ZBBX: variants seen among roughly 807,000 people sequenced by gnomAD.
The protein encoded by ZBBX is zinc finger B-box domain-containing protein 1.
ZBBX carries 101 observed loss-of-function variants against 108.5 expected under a neutral mutation model. The observed-to-expected ratio is 0.93, with a 90% CI of 0.79 to 1.10. The LOEUF is 1.10. ZBBX is among the 50% of genes least tolerant of loss of function. The pLI is 0.00. For synonymous variants in ZBBX, 356 were observed against 323.4 expected (o/e 1.10, Z -1.08); for missense variants, 1,009 against 941.4 (o/e 1.07, Z -0.94).
intron 20 of ZBBX, among the ~76,000 whole-genome samples, chr3:167,277,264 T>G (rs1727771369): frequency 6.6e-6 from 1 of 151,662 alleles, no homozygotes; most frequent in Non-Finnish European, 1.5e-5. Flanking sequence ...TAAATGTAAA[T>G]GGACTAAATG....
the ZBBX span, among the ~76,000 whole-genome samples, chr3:167,179,911 G>A: frequency 6.6e-6 from 1 of 152,212 alleles, no homozygotes; most frequent in Non-Finnish European, 1.5e-5. Flanking sequence ...GGTTTGCCAA[G>A]TAAGACTATT....
chr3:167,243,748 C>CTTTTTT (rs148483655), intron 20 of ZBBX, among the ~76,000 whole-genome samples: 10 of 70,860 alleles, frequency 1.4e-4, no homozygotes, highest in East Asian at 4.5e-4. Flanking sequence ...GTGGACTTGA[C>CTTTTTT]TTTTTTTTTT....
intron 9 of ZBBX, among the ~76,000 whole-genome samples, chr3:167,348,675 G>A (rs1178785813): frequency 2.0e-5 from 3 of 151,940 alleles, no homozygotes; most frequent in Admixed American, 6.6e-5. Context: ...TCTGTAGATT[G>A]CCATACATGT....
At chr3:167,373,096 C>T in intron 3 of ZBBX, 146 bp from the exon 4 acceptor site, 1 of 474,844 alleles carries the variant, frequency 2.1e-6, no homozygotes, top group African/African-American at 2.0e-5. Context: ...AAATTATACA[C>T]TGTTAGCCCT....
At chr3:167,359,785 G>A (rs1477125518) in intron 8 of ZBBX, 85 bp downstream of exon 8, 3 of 556,406 alleles carry the variant, frequency 5.4e-6, no homozygotes, top group South Asian at 6.7e-5. Context: ...TGGGAGAGGT[G>A]TATGAGGCCA....
intron 18 of ZBBX, among the ~76,000 whole-genome samples, chr3:167,289,923 G>A (rs1323309335): frequency 1.3e-5 from 2 of 152,088 alleles, no homozygotes; most frequent in African/African-American, 2.4e-5. Flanking sequence ...CCATTACTGA[G>A]GCTTGAGAGG....
intron 17 of ZBBX, among the ~76,000 whole-genome samples, chr3:167,303,551 T>C (rs1733085025): frequency 6.6e-6 from 1 of 152,188 alleles, no homozygotes; most frequent in Admixed American, 6.5e-5. Context: ...AAGTATATCA[T>C]TCAGATGTTC....
chr3:167,305,686 T>G lies in ZBBX; in HGVS notation c.1682A>C (p.Lys561Thr). The change falls in exon 17 of 22, where the codon AAG (lysine) becomes ACG (threonine). Residue 561 changes from lysine (K) to threonine (T), a missense_variant. Lys to Thr is a moderately conservative substitution (Grantham distance 78). Coordinates refer to ENST00000675490, the MANE Select transcript of ZBBX (RefSeq NM_001199201.2). Reference sequence around the variant, plus strand: ...TTTTGATTCTTCAAAGCTTGGCCTCTTATACAGATTGCTCAATTCCAAGGA... The same window carrying G: ...TTTTGATTCTTCAAAGCTTGGCCTCGTATACAGATTGCTCAATTCCAAGGA... ...KESLELSNLYKRPSFEESKTT... is the reference protein window; with the variant it reads ...KESLELSNLYTRPSFEESKTT... The G allele has an allele frequency of 1.2e-6, 2 of 1,606,972 alleles. No individual in the cohort carries two copies. Among genetic ancestry groups the G allele is most frequent in the African/African-American group, 1.3e-5 (1 of 74,592 alleles).
At chr3:167,310,502 AC>A (rs1389907166) in intron 16 of ZBBX, among the ~76,000 whole-genome samples, 2 of 152,166 alleles carry the variant, frequency 1.3e-5, no homozygotes, top group Non-Finnish European at 2.9e-5. Flanking sequence ...TAATTGACTC[AC>A]AGTTCCACAT....
At chr3:167,402,596 G>T (rs1454200083) in intron 1 of ZBBX, among the ~76,000 whole-genome samples, 1 of 151,696 alleles carries the variant, frequency 6.6e-6, no homozygotes, top group East Asian at 1.9e-4. Context: ...TCACGCGCAA[G>T]GGAAAAAAAT....
chr3:167,390,953 T>C (rs1185862838), intron 1 of ZBBX, among the ~76,000 whole-genome samples: 2 of 152,130 alleles, frequency 1.3e-5, no homozygotes, highest in African/African-American at 4.8e-5. Flanking sequence ...TGACTTCCTC[T>C]CTTCCTATTT....
intron 1 of ZBBX, among the ~76,000 whole-genome samples, chr3:167,407,706 G>A (rs947108106): frequency 6.6e-6 from 1 of 152,012 alleles, no homozygotes; most frequent in Non-Finnish European, 1.5e-5. Flanking sequence ...AATTATAAGG[G>A]TCTTCATTTT....
the ZBBX span, among the ~76,000 whole-genome samples, chr3:167,212,901 C>T: frequency 2.0e-5 from 3 of 152,138 alleles, no homozygotes; most frequent in Non-Finnish European, 4.4e-5. Context: ...CCTGCTGGAT[C>T]ACACCCCAAA....
intron 1 of ZBBX, among the ~76,000 whole-genome samples, chr3:167,389,416 G>A (rs1748022271): frequency 2.0e-5 from 3 of 152,150 alleles, no homozygotes; most frequent in African/African-American, 7.2e-5. Flanking sequence ...CTTTGCTATT[G>A]TAAATAGTGC....
chr3:167,404,528 T>TCACTCTCC (rs11281464), intron 1 of ZBBX, among the ~76,000 whole-genome samples: 85,863 of 150,664 alleles, frequency 0.57, 25,698 homozygotes, highest in African/African-American at 0.77. Flanking sequence ...AATCCACTCT[T>TCACTCTCC]CACTCTCCCA....
At chr3:167,203,622 T>C in the ZBBX span, among the ~76,000 whole-genome samples, 1 of 152,120 alleles carries the variant, frequency 6.6e-6, no homozygotes, top group Admixed American at 6.6e-5. Flanking sequence ...ATGAATAAAA[T>C]TACTAGCCAT....
At chr3:167,396,010 A>T (rs116004183) in intron 1 of ZBBX, among the ~76,000 whole-genome samples, 396 of 152,144 alleles carry the variant, frequency 2.6e-3, no homozygotes, top group African/African-American at 9.2e-3. Flanking sequence ...ACCTTACTCA[A>T]AAATCACTTG....
chr3:167,390,502 G>GTT (rs879773009), intron 1 of ZBBX, among the ~76,000 whole-genome samples: 2 of 145,282 alleles, frequency 1.4e-5, no homozygotes, highest in African/African-American at 2.5e-5. Flanking sequence ...TAAAGTAGTT[G>GTT]TTTTTTTTTT....
At chr3:167,196,793 T>C in the ZBBX span, among the ~76,000 whole-genome samples, 1 of 152,098 alleles carries the variant, frequency 6.6e-6, no homozygotes, top group Non-Finnish European at 1.5e-5. Flanking sequence ...TTAAAACTTA[T>C]TTAAAGCATA....
Sources: allele counts gnomAD v4.1 joint callset (sites outside exome capture counted in the v4.1 genomes callset), GRCh38; gene constraint gnomAD v4.1.1; transcripts MANE v1.5; gene names NCBI Gene and HGNC (gene_info 2026-07-23, HGNC 2026-07-21).